Variants in LARGE1 observed in about 807,000 individuals in gnomAD.
The protein encoded by LARGE1 is xylosyl- and glucuronyltransferase LARGE1.
Under a neutral mutation model 87.6 loss-of-function variants are expected in LARGE1, and 43 were observed. That is an observed-to-expected ratio of 0.49 (90% confidence interval 0.38 to 0.63). LARGE1 has a LOEUF of 0.63. Among genes scored for constraint, LARGE1 ranks in the 30% least tolerant of loss-of-function variants. LARGE1 has a pLI of 0.00. For synonymous variants in LARGE1, 434 were observed against 394.6 expected (o/e 1.10, Z -1.18); for missense variants, 802 against 1,000.2 (o/e 0.80, Z 2.67).
chr22:33,151,789 G>A, the LARGE1 span, among the ~76,000 whole-genome samples: 2 of 152,096 alleles, frequency 1.3e-5, no homozygotes, highest in Admixed American at 1.3e-4. Context: ...CTGCTTGGTT[G>A]TGGTATATTA....
chr22:33,246,339 T>C (rs1018295410), intron 11 of LARGE1, among the ~76,000 whole-genome samples: 23 of 152,182 alleles, frequency 1.5e-4, no homozygotes, highest in African/African-American at 5.3e-4. Flanking sequence ...TATTATGTAC[T>C]GTCAGTGATT....
intron 1 of LARGE1, among the ~76,000 whole-genome samples, chr22:33,816,163 G>A (rs1226832501): frequency 6.6e-6 from 1 of 152,166 alleles, no homozygotes; most frequent in Non-Finnish European, 1.5e-5. Flanking sequence ...TGCGGGCGAA[G>A]AAATGAAGAG....
the LARGE1 span, among the ~76,000 whole-genome samples, chr22:33,141,078 G>T: frequency 6.6e-6 from 1 of 151,940 alleles, no homozygotes; most frequent in Non-Finnish European, 1.5e-5. Context: ...GATCGTCTTT[G>T]CCCACAAATA....
intron 1 of LARGE1, among the ~76,000 whole-genome samples, chr22:33,798,040 C>T (rs942736652): frequency 3.3e-5 from 5 of 152,158 alleles, no homozygotes; most frequent in Non-Finnish European, 5.9e-5. Context: ...AGGGAGGCCA[C>T]GGTGGGTGGA....
the LARGE1 span, among the ~76,000 whole-genome samples, chr22:33,074,539 G>T: frequency 6.6e-6 from 1 of 152,020 alleles, no homozygotes; most frequent in African/African-American, 2.4e-5. Context: ...GCCAGGTGTG[G>T]TGCCGCGTGC....
downstream of LARGE1, chr22:33,162,202 A>G (rs1922052226): frequency 6.6e-6 from 1 of 152,216 alleles, no homozygotes. Context: ...TCACACTGCT[A>G]TAAAGAACTG....
At chr22:33,554,015 A>G (rs980327796) in intron 6 of LARGE1, among the ~76,000 whole-genome samples, 3 of 152,184 alleles carry the variant, frequency 2.0e-5, no homozygotes, top group African/African-American at 7.2e-5. Flanking sequence ...CTAGGGACCC[A>G]GGGCATGGCT....
At chr22:33,402,553 C>G (rs887726015) in intron 7 of LARGE1, among the ~76,000 whole-genome samples, 8 of 152,146 alleles carry the variant, frequency 5.3e-5, no homozygotes, top group Non-Finnish European at 1.2e-4. Context: ...CACGCATGAC[C>G]TTGGGCAGGT....
chr22:33,484,537 G>C (rs1256920591), intron 6 of LARGE1, among the ~76,000 whole-genome samples: 1 of 152,176 alleles, frequency 6.6e-6, no homozygotes, highest in Non-Finnish European at 1.5e-5. Context: ...AGGCTTTGAA[G>C]GGCTGTGACT....
chr22:33,658,098 T>C (rs958150136), intron 2 of LARGE1, among the ~76,000 whole-genome samples: 5 of 152,102 alleles, frequency 3.3e-5, no homozygotes, highest in Non-Finnish European at 7.4e-5. Context: ...TCCGAACAAG[T>C]CCAGCCTAAT....
At chr22:33,305,469 G>A (rs377754034) in intron 11 of LARGE1, 9 of 400,056 alleles carry the variant, frequency 2.2e-5, no homozygotes, top group African/African-American at 6.5e-5. Context: ...CGTTAGAAGC[G>A]TCTGGTACAT....
chr22:33,524,096 G>C (rs2071750290), intron 6 of LARGE1, among the ~76,000 whole-genome samples: 1 of 152,022 alleles, frequency 6.6e-6, no homozygotes, highest in Non-Finnish European at 1.5e-5. Flanking sequence ...TTCAAGATCA[G>C]CCTGACTGAC....
At chr22:33,684,944 A>G (rs2149315914) in intron 2 of LARGE1, among the ~76,000 whole-genome samples, 1 of 152,280 alleles carries the variant, frequency 6.6e-6, no homozygotes, top group East Asian at 1.9e-4. Context: ...CTCCATGACC[A>G]TTGGTTTCAT....
intron 1 of LARGE1, among the ~76,000 whole-genome samples, chr22:33,892,377 C>A (rs2065027617): frequency 6.6e-6 from 1 of 152,096 alleles, no homozygotes; most frequent in African/African-American, 2.4e-5. Flanking sequence ...AAGGCAGGGA[C>A]ACAAAAAAGC....
chr22:33,731,962 C>T (rs73402841), intron 2 of LARGE1, among the ~76,000 whole-genome samples: 8,346 of 152,190 alleles, frequency 0.055, 763 homozygotes, highest in African/African-American at 0.19. Flanking sequence ...GACCATATTT[C>T]GCTACAGGAA....
At chr22:33,162,810 G>A (rs1020956571) in exon 12 of LARGE1, 1 of 152,184 alleles carries the variant, frequency 6.6e-6, no homozygotes, top group African/African-American at 2.4e-5. Flanking sequence ...ATGACAAAAT[G>A]TTATGGCACA....
intron 4 of LARGE1, among the ~76,000 whole-genome samples, chr22:33,607,093 G>A (rs148940991): frequency 6.6e-6 from 1 of 152,126 alleles, no homozygotes; most frequent in South Asian, 2.1e-4. Flanking sequence ...GGATAGATGG[G>A]AGATGAGGGG....
chr22:33,502,194 T>A (rs1484558754), intron 6 of LARGE1, among the ~76,000 whole-genome samples: 2 of 67,852 alleles, frequency 2.9e-5, no homozygotes, highest in African/African-American at 5.2e-5. Flanking sequence ...AGACCCCATC[T>A]TAAAAAAAAA....
rs142488207 is a variant in LARGE1, at chr22:33,681,358, G to A, written c.107-30690C>T. On this transcript the variant is annotated intron_variant, in intron 2 of 14. Coordinates refer to ENST00000397394, the MANE Select transcript of LARGE1 (RefSeq NM_133642.5). The stretch of plus-strand genomic sequence containing the variant: ...CATACTTTCAGTTGTTAGGAGCAAG[G>A]AGTCAAGGGCCCAACTACCAGGGTT... 3.5e-3 allele frequency among the ~76,000 whole-genome samples: 537 copies of A among 152,312 alleles called. 3 individuals carry two copies. Among genetic ancestry groups the A allele is most frequent in the Non-Finnish European group, 6.0e-3 (407 of 68,030 alleles).
Sources: gnomAD v4.1 joint callset for allele counts (sites outside exome capture counted in the v4.1 genomes callset) on GRCh38, gnomAD v4.1.1 for gene constraint, MANE v1.5 for transcripts, NCBI Gene and HGNC (gene_info 2026-07-23, HGNC 2026-07-21) for gene names.